Variants in ZEB1 observed in about 807,000 individuals in gnomAD.
ZEB1 encodes the protein zinc finger E-box-binding homeobox 1.
Under a neutral mutation model 84.9 loss-of-function variants are expected in ZEB1, and 21 were observed. That is an observed-to-expected ratio of 0.25 (90% CI 0.18 to 0.36). The LOEUF is 0.36. ZEB1 is among the 10% of genes least tolerant of loss of function. The pLI, the probability that ZEB1 is intolerant of heterozygous loss-of-function variation, is 1.00. For synonymous variants in ZEB1, 420 were observed against 471.1 expected (o/e 0.89, Z 1.41); for missense variants, 1,104 against 1,330.2 (o/e 0.83, Z 2.65).
At chr10:31,332,938 TTACTA>T (rs1186124289) in intron 1 of ZEB1, among the ~76,000 whole-genome samples, 8 of 152,220 alleles carry the variant, frequency 5.3e-5, no homozygotes, top group Admixed American at 2.6e-4. Flanking sequence ...TGTTTATACT[TTACTA>T]TACCTTGTTT....
intron 1 of ZEB1, chr10:31,363,966 A>C: frequency 7.7e-7 from 1 of 1,291,128 alleles, no homozygotes; most frequent in Non-Finnish European, 9.9e-7. Context: ...GGAAGGCCTC[A>C]CGGACAAGAC....
intron 1 of ZEB1, among the ~76,000 whole-genome samples, chr10:31,402,991 GGAAA>G (rs775681717): frequency 1.9e-4 from 29 of 152,042 alleles, no homozygotes; most frequent in Middle Eastern, 3.4e-3. Context: ...TAAATTATTT[GGAAA>G]GAAATTCAGT....
At chr10:31,449,558 A>G (rs956919794) in intron 1 of ZEB1, among the ~76,000 whole-genome samples, 3 of 152,086 alleles carry the variant, frequency 2.0e-5, no homozygotes, top group Non-Finnish European at 4.4e-5. Context: ...TTTTTTCCAA[A>G]TGATTTTTAT....
chr10:31,339,573 G>T (rs1419291143), intron 1 of ZEB1, among the ~76,000 whole-genome samples: 1 of 152,002 alleles, frequency 6.6e-6, no homozygotes, highest in Non-Finnish European at 1.5e-5. Context: ...TTCGAGACCA[G>T]CCTGACCAAT....
chr10:31,401,054 T>G (rs1370990049), intron 1 of ZEB1, among the ~76,000 whole-genome samples: 3 of 152,210 alleles, frequency 2.0e-5, no homozygotes, highest in African/African-American at 7.2e-5. Context: ...TGTTTTACTG[T>G]TATTAATAAT....
In ZEB1 at chr10:31,455,285, C is replaced by T. The variant is rs142785344; in HGVS notation, c.59-5752C>T. On this transcript the variant is annotated intron_variant, in intron 1 of 8. Transcript: ENST00000424869. ...ACTCAAGACGGATCAAAGACTGAAACGTAAGACCTAAAACCATGAAAACCC... is the reference window on the plus strand; with the variant it reads ...ACTCAAGACGGATCAAAGACTGAAATGTAAGACCTAAAACCATGAAAACCC... 8.2e-3 allele frequency among the ~76,000 whole-genome samples: 1,241 copies of T among 152,154 alleles called. 22 individuals carry two copies. The highest frequency in any genetic ancestry group is 0.028 in the African/African-American group (1,183 of 41,528).
At chr10:31,406,322 C>A (rs1174689967) in intron 1 of ZEB1, among the ~76,000 whole-genome samples, 4 of 152,072 alleles carry the variant, frequency 2.6e-5, no homozygotes, top group Non-Finnish European at 5.9e-5. Context: ...AGTGTAAAAG[C>A]ATTCTTAGTT....
At chr10:31,363,314 C>T in intron 1 of ZEB1, 1 of 1,533,282 alleles carries the variant, frequency 6.5e-7, no homozygotes, top group Admixed American at 2.0e-5. Flanking sequence ...ATGCCTCCAG[C>T]AGGGCTGTGT....
intron 1 of ZEB1, 22 bp downstream of exon 1, chr10:31,319,314 G>C: frequency 6.2e-7 from 1 of 1,601,098 alleles, no homozygotes; most frequent in Non-Finnish European, 8.5e-7. Context: ...AGGGGACCGG[G>C]GAGCGGCGGA....
At chr10:31,421,827 C>G (rs1463392038) in intron 1 of ZEB1, among the ~76,000 whole-genome samples, 1 of 152,048 alleles carries the variant, frequency 6.6e-6, no homozygotes, top group Non-Finnish European at 1.5e-5. Context: ...GGGATAGAAA[C>G]TGATTTATTA....
At chr10:31,423,881 C>A (rs2056563666) in intron 1 of ZEB1, among the ~76,000 whole-genome samples, 1 of 150,118 alleles carries the variant, frequency 6.7e-6, no homozygotes, top group South Asian at 2.3e-4. Flanking sequence ...AGCAGATAAT[C>A]ATTTAAGATG....
At chr10:31,386,227 T>C (rs2048618030) in intron 1 of ZEB1, among the ~76,000 whole-genome samples, 1 of 151,886 alleles carries the variant, frequency 6.6e-6, no homozygotes, top group Non-Finnish European at 1.5e-5. Context: ...CTCTGCATGA[T>C]TTCCTGATCT....
At chr10:31,361,161 T>G in intron 1 of ZEB1, 12 of 1,611,994 alleles carry the variant, frequency 7.4e-6, no homozygotes, top group Non-Finnish European at 1.0e-5. Flanking sequence ...CAGAACCTCT[T>G]GTTCCTCCTG....
In ZEB1 at chr10:31,319,288, T is replaced by C. The variant is rs2032985260; in HGVS notation, c.54T>C (p.Asn18=). 6.2e-7 allele frequency: 1 copy of C among 1,604,966 alleles called. No homozygotes were observed. Among genetic ancestry groups the C allele is most frequent in the Non-Finnish European group, 8.5e-7 (1 of 1,177,176 alleles). ...GAAAGCAGGCGAACCCGCGGCGCAA[T>C]AACGGTGAGTGGCGGAGGGGACCGG... ...KRRKQANPRR[N]NVTNYNTVVE... Residue 18 remains asparagine (N), a synonymous_variant, in exon 1 of 9, where the codon AAT becomes AAC. Coordinates refer to ENST00000424869, the MANE Select transcript of ZEB1 (RefSeq NM_001174096.2).
intron 1 of ZEB1, among the ~76,000 whole-genome samples, chr10:31,440,510 C>G (rs972834854): frequency 1.3e-5 from 2 of 152,058 alleles, no homozygotes; most frequent in Non-Finnish European, 2.9e-5. Context: ...ACAGGGGTGC[C>G]CTTTCTCACC....
At chr10:31,327,151 C>T (rs1473098744) in intron 1 of ZEB1, among the ~76,000 whole-genome samples, 1 of 140,264 alleles carries the variant, frequency 7.1e-6, no homozygotes, top group East Asian at 2.4e-4. Context: ...ACTCTTGTCA[C>T]CCAGGCTGGA....
chr10:31,467,529 G>T (rs1227201616), intron 2 of ZEB1, among the ~76,000 whole-genome samples: 1 of 152,122 alleles, frequency 6.6e-6, no homozygotes, highest in African/African-American at 2.4e-5. Context: ...TGTGGAGTGG[G>T]ACCCACAGCA....
intron 1 of ZEB1, among the ~76,000 whole-genome samples, chr10:31,397,217 G>T (rs1444128412): frequency 2.1e-5 from 3 of 142,402 alleles, no homozygotes; most frequent in African/African-American, 7.8e-5. Flanking sequence ...TAAGTTCTAG[G>T]GTACATGTGC....
rs994533048 is a variant in ZEB1 at position 31,387,917 on chromosome 10, G to A, written c.58+68625G>A. The A allele has an allele frequency of 4.4e-5, 10 of 226,902 alleles. No homozygotes were observed. The South Asian group carries it at 1.1e-3, about 26-fold the overall frequency. 14.1% of individuals were successfully genotyped at this position (226,902 alleles called of 1,614,324 possible). A position where few individuals can be genotyped will look rare whatever the true frequency, so the allele number is the denominator to read the frequency against. ...GTCTTACAACTTCTTCCTGTCTTCA[G>A]GAAATGAAGAATAAATATGTTGGTT... On this transcript the variant is annotated intron_variant, in intron 1 of 8. Coordinates refer to ENST00000424869, the MANE Select transcript of ZEB1 (RefSeq NM_001174096.2).
Sources: gnomAD v4.1 joint callset for allele counts (sites outside exome capture counted in the v4.1 genomes callset) on GRCh38, gnomAD v4.1.1 for gene constraint, MANE v1.5 for transcripts, NCBI Gene and HGNC (gene_info 2026-07-23, HGNC 2026-07-21) for gene names.